Variants in SP7 observed in about 807,000 individuals in gnomAD.
SP7 encodes the protein Sp7 transcription factor, also known as transcription factor Sp7.
SP7 carries 13 observed loss-of-function variants against 27.9 expected under a neutral mutation model. The observed-to-expected ratio is 0.47, with a 90% confidence interval of 0.30 to 0.74. SP7 has a LOEUF of 0.74. Among genes scored for constraint, SP7 ranks in the 30% least tolerant of loss-of-function variants. The pLI is 0.06. For missense variants in SP7, 525 were observed against 558.0 expected (o/e 0.94, Z 0.60); for synonymous variants, 219 against 226.7 (o/e 0.97, Z 0.31).
At chr12:53,331,323 T>A (rs138417996) in intron 2 of SP7, among the ~76,000 whole-genome samples, 1 of 151,656 alleles carries the variant, frequency 6.6e-6, no homozygotes, top group Non-Finnish European at 1.5e-5. Flanking sequence ...TATAAAAAAA[T>A]TATCTGGGTG....
chr12:53,329,110 A>G lies in SP7; in HGVS notation c.332T>C (p.Leu111Pro). 6.2e-7 allele frequency: 1 copy of G among 1,613,876 alleles called. No homozygotes were observed. Among genetic ancestry groups the G allele is most frequent in the South Asian group, 1.1e-5 (1 of 91,086 alleles). Residue 111 changes from leucine to proline, a missense_variant, in exon 3 of 3, where the codon CTA (leucine) becomes CCA (proline). Leu to Pro is a moderately conservative substitution (Grantham distance 98). Transcript: ENST00000536324. Reference protein sequence around the residue: ...GPTGTQDPGLLVPKGHSSSDC... With the variant: ...GPTGTQDPGLPVPKGHSSSDC... ...AGAAGAGCTGTGCCCCTTGGGCACT[A>G]GTAGCCCAGGGTCCTGGGTGCCTGT...
chr12:53,335,959 A>G (rs962712052), intron 1 of SP7, among the ~76,000 whole-genome samples, 187 bp downstream of exon 1: 12 of 151,416 alleles, frequency 7.9e-5, no homozygotes, highest in African/African-American at 2.9e-4. Flanking sequence ...GAGGAGAAAA[A>G]GGGGCGCCCA....
At chr12:53,335,501 A>G in intron 2 of SP7, 125 bp downstream of exon 2, 1 of 716,730 alleles carries the variant, frequency 1.4e-6, no homozygotes, top group Middle Eastern at 3.0e-4. Flanking sequence ...TCTCCTCATC[A>G]GAAGGACCCC....
rs377134368 is a variant in SP7 at position 53,328,857 on chromosome 12, C to A, written c.585G>T (p.Leu195=). ...GAGCAAAGTCAGATGGGTAGGTGGG[C>A]AGCTGGGGGTTCAGTGGAGGCTGAG... ...GPAQPPLNPQ[L]PTYPSDFAPL... is the part of the protein sequence containing the mutation. The change falls in exon 3 of 3, where the codon CTG becomes CTT. Residue 195 remains leucine, a synonymous_variant. Coordinates refer to ENST00000536324, the MANE Select transcript of SP7 (RefSeq NM_001173467.3). This position sits in a 1 kb window ranked among gnomAD's most constrained non-coding sequence, Gnocchi z 5.1. 2.4e-5 allele frequency: 39 copies of A among 1,603,482 alleles called. No individual in the cohort carries two copies. The African/African-American group carries it at 4.7e-4, about 19-fold the overall frequency.
rs1296476949 is a variant in SP7, at chr12:53,328,360, T to C, written c.1082A>G (p.Lys361Arg). ...CAGGTGGTCGCTTCGGGTAAAGCGC[T>C]TGGAGCAGAGCAGGCAGGTGAACTT... Reference protein sequence around the residue: ...EKKFTCLLCSKRFTRSDHLSK... With the variant: ...EKKFTCLLCSRRFTRSDHLSK... Residue 361 changes from lysine (K) to arginine (R), a missense_variant, in exon 3 of 3, where the codon AAG becomes AGG. By Grantham distance (26) the Lys-to-Arg change is conservative. Transcript: ENST00000536324. The surrounding 1 kb of genome is among the most constrained non-coding windows in gnomAD (Gnocchi z 5.1). 2 of 1,613,070 alleles carry C rather than the reference T, an allele frequency of 1.2e-6. No homozygotes were observed. The highest frequency in any genetic ancestry group is 1.1e-5 in the South Asian group (1 of 91,036).
In SP7 at chr12:53,328,198, G is replaced by A. The variant is rs1292584668; in HGVS notation, c.1244C>T (p.Pro415Leu). 1.9e-6 allele frequency: 3 copies of A among 1,613,092 alleles called. No individual in the cohort carries two copies. Among genetic ancestry groups the A allele is most frequent in the Non-Finnish European group, 2.5e-6 (3 of 1,179,678 alleles). Reference protein sequence around the residue: ...TPRPSASPATPEKAPGGSPEQ... With the variant: ...TPRPSASPATLEKAPGGSPEQ... ...AGGGCTGCCTCCAGGGGCTTTCTCT[G>A]GGGTTGCTGGCGAGGCAGAAGGTCG... Residue 415 changes from proline to leucine, a missense_variant, in exon 3 of 3, where the codon CCA becomes CTA. Transcript: ENST00000536324. The surrounding 1 kb of genome is among the most constrained non-coding windows in gnomAD (Gnocchi z 5.1).
intron 2 of SP7, among the ~76,000 whole-genome samples, chr12:53,330,249 G>T (rs1460699732): frequency 6.6e-6 from 1 of 151,964 alleles, no homozygotes; most frequent in Non-Finnish European, 1.5e-5. Flanking sequence ...GTTTCACCAT[G>T]TTGGCCAGGC....
intron 2 of SP7, among the ~76,000 whole-genome samples, chr12:53,334,395 C>G (rs1246713198): frequency 6.6e-6 from 1 of 151,898 alleles, no homozygotes; most frequent in Non-Finnish European, 1.5e-5. Context: ...CTGTGGCACC[C>G]TCGACTGCAC....
intron 1 of SP7, 166 bp from the exon 2 acceptor site, chr12:53,335,859 G>T: frequency 1.4e-6 from 2 of 1,399,224 alleles, no homozygotes; most frequent in Non-Finnish European, 1.9e-6. Context: ...GAAGGCTCCA[G>T]ATCCAATGAG....
intron 2 of SP7, among the ~76,000 whole-genome samples, chr12:53,330,815 T>C (rs1188095732): frequency 2.6e-5 from 4 of 152,232 alleles, no homozygotes; most frequent in African/African-American, 9.6e-5. Flanking sequence ...CCAATCCTCA[T>C]GTCCCTGCTA....
At chr12:53,332,436 G>A (rs182225374) in intron 2 of SP7, among the ~76,000 whole-genome samples, 12 of 152,240 alleles carry the variant, frequency 7.9e-5, no homozygotes, top group African/African-American at 2.9e-4. Context: ...AAATTAGCTG[G>A]GCTTGGTGGT....
chr12:53,329,034 G>A lies in SP7; in HGVS notation c.408C>T (p.Gly136=), dbSNP rs748985127. The change falls in exon 3 of 3, where the codon GGC becomes GGT. Residue 136 remains glycine (G), a synonymous_variant. Coordinates refer to ENST00000536324, the MANE Select transcript of SP7 (RefSeq NM_001173467.3). The part of the protein sequence containing the change: ...YTSLDMTHPY[G]SWYKAGIHAG... Reference sequence around the variant, plus strand: ...CATGGATGCCTGCCTTGTACCAGGAGCCATAGGGGTGTGTCATGTCCAGAG... The same window carrying A: ...CATGGATGCCTGCCTTGTACCAGGAACCATAGGGGTGTGTCATGTCCAGAG... The A allele has an allele frequency of 5.5e-5, 88 of 1,613,720 alleles. No individual in the cohort carries two copies. Among genetic ancestry groups the A allele is most frequent in the Non-Finnish European group, 6.8e-5 (80 of 1,179,862 alleles).
intron 2 of SP7, among the ~76,000 whole-genome samples, chr12:53,334,744 A>G (rs1944747267): frequency 6.6e-6 from 1 of 152,032 alleles, no homozygotes; most frequent in Non-Finnish European, 1.5e-5. Flanking sequence ...TGCCTTCCCA[A>G]CTCTGTGCCT....
upstream of SP7, among the ~76,000 whole-genome samples, chr12:53,339,594 G>A (rs199981443): frequency 1.3e-5 from 2 of 151,936 alleles, no homozygotes; most frequent in African/African-American, 2.4e-5. Flanking sequence ...GCGTGGTGAC[G>A]GGTGCCTGTA....
At chr12:53,335,500 C>G (rs1944756420) in intron 2 of SP7, 126 bp downstream of exon 2, 1 of 719,716 alleles carries the variant, frequency 1.4e-6, no homozygotes, top group Non-Finnish European at 2.6e-6. Flanking sequence ...CTCTCCTCAT[C>G]AGAAGGACCC....
chr12:53,342,406 T>C (rs1027680684), intron 1 of SP7, among the ~76,000 whole-genome samples: 2 of 152,234 alleles, frequency 1.3e-5, no homozygotes, highest in African/African-American at 4.8e-5. Context: ...ACCTACTTTG[T>C]GCTAAGCACA....
At chr12:53,337,070 C>T (rs953708279), upstream of SP7, among the ~76,000 whole-genome samples, 1 of 152,094 alleles carries the variant, frequency 6.6e-6, no homozygotes, top group South Asian at 2.1e-4. Flanking sequence ...TCATTCATGC[C>T]GACACCTAAC....
chr12:53,327,304 T>C lies in SP7; in HGVS notation c.*842A>G, dbSNP rs1171721452. On this transcript the variant is annotated 3_prime_UTR_variant, in exon 3 of 3. Transcript: ENST00000536324. ...CTAACCCAATTTGTAGAGACTTCAT[T>C]ACAAGAGAAACCCTATCAACTGAGA... The C allele has an allele frequency of 6.6e-6, 1 of 152,642 alleles. No individual in the cohort carries two copies. The highest frequency in any genetic ancestry group is 1.5e-5 in the Non-Finnish European group (1 of 68,042). The allele number at this position is 152,642 out of a possible 1,614,324, so 9.5% of individuals were successfully genotyped here.
rs935670789 is a variant in SP7, at chr12:53,344,531, C to T, written c.-34+583G>A. Among the ~76,000 whole-genome samples, 3 of 152,182 alleles carry T rather than the reference C, an allele frequency of 2.0e-5. No homozygotes were observed. The highest frequency in any genetic ancestry group is 7.2e-5 in the African/African-American group (3 of 41,444). ...ACATTAACACCTCCTCCCCACATAG[C>T]CTCAATGGGACGCCCCCCTCTGGAT... On this transcript the variant is annotated intron_variant, in intron 1 of 1. Transcript: ENST00000547755. The surrounding 1 kb of genome is among the most constrained non-coding windows in gnomAD (Gnocchi z 4.6).
Sources: allele counts gnomAD v4.1 joint callset (sites outside exome capture counted in the v4.1 genomes callset), GRCh38; gene constraint gnomAD v4.1.1; non-coding constraint Gnocchi (gnomAD v3.1); transcripts MANE v1.5; gene names NCBI Gene and HGNC (gene_info 2026-07-23, HGNC 2026-07-21).